NRG1: variants seen among roughly 807,000 people sequenced by gnomAD.
NRG1 encodes pro-neuregulin-1, membrane-bound isoform.
NRG1 carries 18 observed loss-of-function variants against 63.8 expected under a neutral mutation model. The ratio of observed to expected loss-of-function variants is 0.28; its 90% CI spans 0.19 to 0.42. The LOEUF is 0.42. Among genes scored for constraint, NRG1 ranks in the 10% least tolerant of loss-of-function variants. The pLI is 1.00. For synonymous variants in NRG1, 302 were observed against 301.3 expected, an observed-to-expected ratio of 1.00 and a Z score of -0.02; for missense variants, 762 against 814.7, an observed-to-expected ratio of 0.94 and a Z score of 0.79.
chr8:32,566,894 C>T (rs1306005011), intron 1 of NRG1, among the ~76,000 whole-genome samples: 1 of 152,134 alleles, frequency 6.6e-6, no homozygotes. Context: ...TGCTCTGTGG[C>T]CCAGGCTGAA....
At chr8:31,769,007 C>T (rs1234179277) in intron 1 of NRG1, among the ~76,000 whole-genome samples, 2 of 152,084 alleles carry the variant, frequency 1.3e-5, no homozygotes, top group Admixed American at 1.3e-4. Flanking sequence ...GATTTTGAAA[C>T]ATCACATTAT....
chr8:31,840,481 C>T (rs1271822789), intron 1 of NRG1, among the ~76,000 whole-genome samples: 1 of 151,626 alleles, frequency 6.6e-6, no homozygotes, highest in African/African-American at 2.4e-5. Flanking sequence ...CACCTGGACC[C>T]TGCCTTTGTC....
chr8:31,881,288 C>G (rs1585470623), intron 1 of NRG1, among the ~76,000 whole-genome samples: 1 of 152,082 alleles, frequency 6.6e-6, no homozygotes, highest in East Asian at 1.9e-4. Context: ...TATTATTAAT[C>G]TGTTATGGTG....
intron 1 of NRG1, among the ~76,000 whole-genome samples, chr8:31,911,438 C>A (rs1026572507): frequency 6.6e-6 from 1 of 152,134 alleles, no homozygotes; most frequent in Non-Finnish European, 1.5e-5. Context: ...TTGGCAGGAA[C>A]ATGGATGGAG....
At chr8:32,404,621 G>A (rs1813702960) in intron 1 of NRG1, among the ~76,000 whole-genome samples, 1 of 127,374 alleles carries the variant, frequency 7.9e-6, no homozygotes, top group Non-Finnish European at 1.6e-5. Context: ...GTCTTGCTCT[G>A]TGGCCTAGGC....
chr8:32,743,226 G>A (rs1267306493), intron 7 of NRG1: 5 of 985,210 alleles, frequency 5.1e-6, no homozygotes, highest in African/African-American at 3.5e-5. Context: ...AATAAAAGGA[G>A]TTCAGATGTT....
Position 32,293,967 on chromosome 8 carries a change from C to A in NRG1, c.38-301861C>A, listed in dbSNP as rs149007696. 1.3e-3 allele frequency among the ~76,000 whole-genome samples: 194 copies of A among 152,228 alleles called. 1 individual carries two copies. The East Asian group carries it at 0.031, about 24-fold the overall frequency. On this transcript the variant is annotated intron_variant, in intron 1 of 10. Coordinates refer to the NRG1 transcript ENST00000519301. ...TCCTTACCTCAGGTTATCAGCCCAC[C>A]TGGGCCTCCCAAACTGCTTGGATTA...
intron 1 of NRG1, among the ~76,000 whole-genome samples, chr8:32,171,703 C>T (rs548765958): frequency 6.6e-6 from 1 of 152,288 alleles, no homozygotes; most frequent in East Asian, 1.9e-4. Context: ...GATTATATCC[C>T]ACGCATGGCT....
chr8:32,260,342 T>C lies in NRG1; in HGVS notation c.38-335486T>C, dbSNP rs145448713. On this transcript the variant is annotated intron_variant, in intron 1 of 10. Coordinates refer to the NRG1 transcript ENST00000519301. The stretch of plus-strand genomic sequence containing the variant: ...TCTTATGTAGCAACAGAAGTTTATG[T>C]CATTAATTTAGCAAATAGTCATAGA... Among the ~76,000 whole-genome samples the C allele has an allele frequency of 2.1e-3, 325 of 152,308 alleles. 2 individuals are homozygous for C. The highest frequency in any genetic ancestry group is 5.8e-3 in the South Asian group (28 of 4,826).
intron 1 of NRG1, among the ~76,000 whole-genome samples, chr8:32,485,968 C>T (rs1018839166): frequency 4.6e-5 from 7 of 152,030 alleles, no homozygotes; most frequent in African/African-American, 1.5e-4. Context: ...ACTCTTATTG[C>T]CCAGGTTGGA....
chr8:31,658,537 A>C (rs1390385958), intron 1 of NRG1, among the ~76,000 whole-genome samples: 2 of 152,098 alleles, frequency 1.3e-5, no homozygotes, highest in African/African-American at 4.8e-5. Context: ...ATCATGGCTC[A>C]CTACAAACTC....
chr8:32,514,189 CA>C (rs1187527830), intron 1 of NRG1, among the ~76,000 whole-genome samples: 3 of 152,160 alleles, frequency 2.0e-5, no homozygotes. Flanking sequence ...GCTGCTGTAA[CA>C]TATGAGCAGT....
intron 1 of NRG1, among the ~76,000 whole-genome samples, chr8:32,279,926 T>G (rs1359565102): frequency 6.6e-6 from 1 of 152,206 alleles, no homozygotes; most frequent in Non-Finnish European, 1.5e-5. Context: ...CAGTCCTCCT[T>G]GATTCTGCTA....
intron 1 of NRG1, among the ~76,000 whole-genome samples, chr8:31,673,660 A>C (rs983642107): frequency 6.6e-6 from 1 of 151,806 alleles, no homozygotes; most frequent in African/African-American, 2.4e-5. Flanking sequence ...GAGGTCTTTT[A>C]CTCTTTTGTC....
intron 1 of NRG1, among the ~76,000 whole-genome samples, chr8:32,038,396 T>C (rs10954820): frequency 0.79 from 120,375 of 151,840 alleles, 53,731 homozygotes; most frequent in East Asian, 0.99. Context: ...TGGTGGAAGC[T>C]GCAGACTGGA....
intron 3 of NRG1, among the ~76,000 whole-genome samples, chr8:32,610,937 A>G (rs536857167): frequency 4.7e-4 from 72 of 152,154 alleles, no homozygotes; most frequent in Middle Eastern, 6.8e-3. Context: ...CCTACACACT[A>G]TATGTTCATT....
chr8:32,323,446 A>T (rs1193629509), intron 1 of NRG1, among the ~76,000 whole-genome samples: 1 of 152,200 alleles, frequency 6.6e-6, no homozygotes, highest in Non-Finnish European at 1.5e-5. Context: ...ACAGCCAGGA[A>T]AAGGCAGGCA....
chr8:31,973,556 C>G (rs1807652151), intron 1 of NRG1, among the ~76,000 whole-genome samples: 1 of 152,128 alleles, frequency 6.6e-6, no homozygotes, highest in African/African-American at 2.4e-5. Context: ...AGTCATGCAG[C>G]CAGTTGATGC....
chr8:31,881,008 C>A (rs1217368102), intron 1 of NRG1, among the ~76,000 whole-genome samples: 3 of 152,154 alleles, frequency 2.0e-5, no homozygotes, highest in Non-Finnish European at 4.4e-5. Flanking sequence ...AGTCCCACAA[C>A]TTTGCATCAA....
Sources: gnomAD v4.1 joint callset for allele counts (sites outside exome capture counted in the v4.1 genomes callset) on GRCh38, gnomAD v4.1.1 for gene constraint, MANE v1.5 for transcripts, NCBI Gene and HGNC (gene_info 2026-07-23, HGNC 2026-07-21) for gene names.